The following XRCC4 variants were observed in gnomAD, a reference collection of about 807,000 sequenced individuals.
XRCC4 encodes DNA repair protein XRCC4.
In XRCC4, 28 loss-of-function variants were observed where a neutral mutation model predicts 39.1. The ratio of observed to expected loss-of-function variants is 0.72; its 90% CI spans 0.53 to 0.98. The LOEUF (loss-of-function observed/expected upper bound fraction) is 0.98. XRCC4 is among the 50% of genes least tolerant of loss of function. The probability of loss-of-function intolerance (pLI) is 0.00; values close to 1 mark genes in which losing one functional copy is unlikely to be tolerated. For synonymous variants in XRCC4, 123 were observed against 126.4 expected, an observed-to-expected ratio of 0.97 and a Z score of 0.18; for missense variants, 350 against 376.4, an observed-to-expected ratio of 0.93 and a Z score of 0.58.
At chr5:83,342,908 T>G (rs984312267) in intron 7 of XRCC4, among the ~76,000 whole-genome samples, 1 of 152,156 alleles carries the variant, frequency 6.6e-6, no homozygotes, top group Non-Finnish European at 1.5e-5. Context: ...GTTTCCATAA[T>G]TGAGTTTATT....
chr5:83,126,490 GC>G (rs1747271722), intron 3 of XRCC4, among the ~76,000 whole-genome samples: 1 of 152,098 alleles, frequency 6.6e-6, no homozygotes, highest in Admixed American at 6.6e-5. Context: ...GCAAATAGAT[GC>G]AGTTTAAAGG....
intron 3 of XRCC4, among the ~76,000 whole-genome samples, chr5:83,149,159 C>T (rs908978073): frequency 4.8e-4 from 73 of 152,236 alleles, no homozygotes; most frequent in African/African-American, 1.6e-3. Context: ...TCTGTAGCCA[C>T]GCATAGATTT....
intron 3 of XRCC4, among the ~76,000 whole-genome samples, chr5:83,171,686 C>T (rs1488435950): frequency 2.0e-5 from 3 of 152,218 alleles, no homozygotes; most frequent in African/African-American, 7.2e-5. Context: ...CTTTGTAAGC[C>T]CTAGCCTGGA....
At chr5:83,289,152 C>A (rs1294643028) in intron 7 of XRCC4, among the ~76,000 whole-genome samples, 2 of 151,840 alleles carry the variant, frequency 1.3e-5, no homozygotes, top group Non-Finnish European at 2.9e-5. Context: ...TGTCTACTTA[C>A]ATTACCCATC....
chr5:83,290,247 A>G (rs947665977), intron 7 of XRCC4, among the ~76,000 whole-genome samples: 1 of 151,834 alleles, frequency 6.6e-6, no homozygotes, highest in Non-Finnish European at 1.5e-5. Context: ...GATTATCTTT[A>G]CGTATTGAAT....
intron 6 of XRCC4, among the ~76,000 whole-genome samples, chr5:83,227,632 A>G (rs1752340548): frequency 1.3e-5 from 2 of 152,230 alleles, no homozygotes; most frequent in East Asian, 1.9e-4. Context: ...GCTGCAAGTA[A>G]CTAACACTCA....
chr5:83,137,641 T>A (rs1471627765), intron 3 of XRCC4, among the ~76,000 whole-genome samples: 3 of 152,140 alleles, frequency 2.0e-5, no homozygotes, highest in Non-Finnish European at 4.4e-5. Flanking sequence ...AGGTGTGAGA[T>A]TTTGGCAGCT....
chr5:83,269,646 C>G (rs1044038929), intron 7 of XRCC4, among the ~76,000 whole-genome samples: 1 of 151,936 alleles, frequency 6.6e-6, no homozygotes. Context: ...ATATTATACA[C>G]TAGCATAACC....
intron 3 of XRCC4, among the ~76,000 whole-genome samples, chr5:83,172,153 T>C (rs1013173703): frequency 3.9e-5 from 6 of 152,166 alleles, no homozygotes; most frequent in East Asian, 1.9e-4. Flanking sequence ...CATTCTTTCA[T>C]AGGAGTTTGG....
chr5:83,297,465 G>A (rs1478153190), intron 7 of XRCC4, among the ~76,000 whole-genome samples: 4 of 151,774 alleles, frequency 2.6e-5, no homozygotes, highest in Admixed American at 1.3e-4. Context: ...TCTTCAAAAC[G>A]CAATGCTTAG....
At position 83,220,066 on chromosome 5, in the gene XRCC4, C is replaced by A. The variant is rs28360165; in HGVS notation, c.745+15145C>A. Among the ~76,000 whole-genome samples, 83 of 152,054 alleles carry A rather than the reference C, an allele frequency of 5.5e-4. 2 individuals are homozygous for A. The highest frequency in any genetic ancestry group is 1.9e-3 in the African/African-American group (80 of 41,476). The stretch of plus-strand genomic sequence containing the variant: ...GTCTTTAGGTCATGAGATCTAACGA[C>A]CCATGTATGACTAGGATTGTGGGTA... On this transcript the variant is annotated intron_variant, in intron 6 of 7. Coordinates refer to ENST00000396027, the MANE Select transcript of XRCC4 (RefSeq NM_003401.5).
intron 6 of XRCC4, among the ~76,000 whole-genome samples, chr5:83,205,475 T>A (rs539713292): frequency 1.0e-3 from 155 of 152,288 alleles, no homozygotes; most frequent in Non-Finnish European, 1.8e-3. Context: ...CCAGCAAGTG[T>A]TTAAACCCAT....
intron 1 of XRCC4, among the ~76,000 whole-genome samples, chr5:83,103,542 C>T (rs1489046665): frequency 1.3e-5 from 2 of 152,156 alleles, no homozygotes; most frequent in Non-Finnish European, 2.9e-5. Flanking sequence ...TCCATATCCT[C>T]TGATCCAACA....
chr5:83,302,268 A>C (rs1755315217), intron 7 of XRCC4, among the ~76,000 whole-genome samples: 1 of 152,082 alleles, frequency 6.6e-6, no homozygotes, highest in African/African-American at 2.4e-5. Flanking sequence ...AAAAAAAAAA[A>C]AAAATAGCTT....
intron 6 of XRCC4, among the ~76,000 whole-genome samples, chr5:83,224,182 T>A (rs1301869887): frequency 6.6e-6 from 1 of 152,092 alleles, no homozygotes; most frequent in Non-Finnish European, 1.5e-5. Context: ...TATTTTCTAG[T>A]GTTTTTTTTG....
intron 7 of XRCC4, chr5:83,258,906 G>A: frequency 2.2e-6 from 1 of 459,434 alleles, no homozygotes; most frequent in Non-Finnish European, 3.8e-6. Flanking sequence ...TTTTTCTCAT[G>A]GTTTTTATAG....
intron 6 of XRCC4, among the ~76,000 whole-genome samples, chr5:83,226,351 A>G (rs961446573): frequency 2.0e-4 from 31 of 152,050 alleles, no homozygotes; most frequent in African/African-American, 7.5e-4. Flanking sequence ...GTGTTTCATA[A>G]ACCCCTCTGG....
intron 6 of XRCC4, among the ~76,000 whole-genome samples, chr5:83,230,976 G>A (rs546330093): frequency 1.3e-5 from 2 of 151,740 alleles, no homozygotes; most frequent in East Asian, 1.9e-4. Flanking sequence ...TAAAACTCAC[G>A]TAAATGATTA....
chr5:83,299,257 GT>G (rs373334168), intron 7 of XRCC4, among the ~76,000 whole-genome samples: 1 of 152,204 alleles, frequency 6.6e-6, no homozygotes, highest in African/African-American at 2.4e-5. Flanking sequence ...AAGTTGAGAA[GT>G]TGGCCAACAG....
Sources: allele counts gnomAD v4.1 joint callset (sites outside exome capture counted in the v4.1 genomes callset), GRCh38; gene constraint gnomAD v4.1.1; transcripts MANE v1.5; gene names NCBI Gene and HGNC (gene_info 2026-07-23, HGNC 2026-07-21).